CHIC2: variants seen among roughly 807,000 people sequenced by gnomAD.
The protein encoded by CHIC2 is cysteine rich hydrophobic domain 2.
A neutral mutation model predicts 25.9 loss-of-function variants in CHIC2; 14 were observed. The observed-to-expected ratio is 0.54, with a 90% CI of 0.36 to 0.85. The LOEUF (loss-of-function observed/expected upper bound fraction) is 0.85. Ranked by LOEUF, CHIC2 falls within the 40% of genes least tolerant of loss-of-function variation. The pLI, the probability that CHIC2 is intolerant of heterozygous loss-of-function variation, is 0.01. For missense variants in CHIC2, 146 were observed against 202.0 expected (o/e 0.72, Z 1.68); for synonymous variants, 70 against 72.0 (o/e 0.97, Z 0.14).
At chr4:54,045,139 A>C (rs1467145138) in intron 3 of CHIC2, among the ~76,000 whole-genome samples, 1 of 152,240 alleles carries the variant, frequency 6.6e-6, no homozygotes, top group African/African-American at 2.4e-5. Context: ...ACAGGCTCTG[A>C]AATTGAGGCA....
chr4:54,034,327 C>T (rs1577972405), intron 3 of CHIC2, among the ~76,000 whole-genome samples: 1 of 151,886 alleles, frequency 6.6e-6, no homozygotes, highest in South Asian at 2.1e-4. Flanking sequence ...TCGCTTGAAC[C>T]TGGGAGGCAG....
At chr4:54,086,636 G>A in the CHIC2 span, among the ~76,000 whole-genome samples, 1 of 152,224 alleles carries the variant, frequency 6.6e-6, no homozygotes. Flanking sequence ...GGGATTGGGA[G>A]TGCAGAAGGC....
At chr4:54,054,482 G>C (rs1717110911) in intron 1 of CHIC2, among the ~76,000 whole-genome samples, 1 of 152,208 alleles carries the variant, frequency 6.6e-6, no homozygotes, top group East Asian at 1.9e-4. Flanking sequence ...TTTCTTCTGA[G>C]TTACAGTGAT....
chr4:54,029,769 AT>A (rs1176029361), intron 3 of CHIC2, among the ~76,000 whole-genome samples: 2 of 152,200 alleles, frequency 1.3e-5, no homozygotes, highest in Admixed American at 1.3e-4. Flanking sequence ...GTTTTGGATA[AT>A]TTTTAATACA....
At chr4:54,085,887 C>T in the CHIC2 span, among the ~76,000 whole-genome samples, 1 of 151,960 alleles carries the variant, frequency 6.6e-6, no homozygotes, top group East Asian at 1.9e-4. Flanking sequence ...AAGTCTAAAT[C>T]CAGGATCTGA....
At chr4:54,042,743 A>C (rs1364127557) in intron 3 of CHIC2, among the ~76,000 whole-genome samples, 1 of 152,178 alleles carries the variant, frequency 6.6e-6, no homozygotes, top group Admixed American at 6.5e-5. Context: ...GTGCAAAGGT[A>C]ATCTGGTGAG....
In CHIC2 at chr4:54,061,976, G is replaced by T. The variant is rs1371226609; in HGVS notation, c.119+2206C>A. Among the ~76,000 whole-genome samples the T allele has an allele frequency of 2.0e-5, 3 of 152,242 alleles. No individual in the cohort carries two copies. In the East Asian group the frequency reaches 5.8e-4, roughly 29 times the overall value. ...TTTCTCAAAGTGGAAAACTATATCTGAGGAGGAGAATAATAAAAACTAGTA... is the reference window on the plus strand; with the variant it reads ...TTTCTCAAAGTGGAAAACTATATCTTAGGAGGAGAATAATAAAAACTAGTA... On this transcript the variant is annotated intron_variant, in intron 1 of 5. Coordinates refer to ENST00000263921, the MANE Select transcript of CHIC2 (RefSeq NM_012110.4).
At chr4:54,015,432 CT>C (rs1163436376) in intron 3 of CHIC2, among the ~76,000 whole-genome samples, 2 of 152,104 alleles carry the variant, frequency 1.3e-5, no homozygotes, top group Non-Finnish European at 2.9e-5. Flanking sequence ...GGCAGCTCTC[CT>C]TTTAAATGAA....
At chr4:54,090,331 G>A in the CHIC2 span, among the ~76,000 whole-genome samples, 19 of 152,094 alleles carry the variant, frequency 1.2e-4, no homozygotes, top group Middle Eastern at 3.4e-3. Context: ...GGCTACAGGC[G>A]TGTACCACCA....
At chr4:54,013,766 AAAG>A (rs1380900087) in intron 5 of CHIC2, 68 bp downstream of exon 5, 28 of 1,479,980 alleles carry the variant, frequency 1.9e-5, no homozygotes, top group Middle Eastern at 1.7e-4. Context: ...ATAATCATGG[AAAG>A]AATAAGATCA....
chr4:54,057,253 C>CA lies in CHIC2; in HGVS notation c.119+6928dup, dbSNP rs141859185. 3.4e-3 allele frequency among the ~76,000 whole-genome samples: 524 copies of CA among 152,280 alleles called. 2 individuals carry two copies. The highest frequency in any genetic ancestry group is 0.012 in the African/African-American group (509 of 41,552). Reference sequence around the variant, plus strand: ...TCAACACCCTAGCTGGGGCCACTATCATGTCTTATGGAAGCTGCTTCTATA... The same window carrying CA: ...TCAACACCCTAGCTGGGGCCACTATCAATGTCTTATGGAAGCTGCTTCTATA... On this transcript the variant is annotated intron_variant, in intron 1 of 5. Coordinates refer to ENST00000263921, the MANE Select transcript of CHIC2 (RefSeq NM_012110.4).
intron 1 of CHIC2, among the ~76,000 whole-genome samples, chr4:54,054,152 G>C (rs1257895029): frequency 1.3e-5 from 2 of 152,148 alleles, no homozygotes; most frequent in Non-Finnish European, 2.9e-5. Context: ...ATTTTATTTG[G>C]TATTAACTAG....
intron 3 of CHIC2, among the ~76,000 whole-genome samples, chr4:54,039,480 C>T (rs1334830082): frequency 6.6e-6 from 1 of 152,138 alleles, no homozygotes; most frequent in Non-Finnish European, 1.5e-5. Context: ...AATATCATTA[C>T]TCATGAGGGT....
rs200939643 is a variant in CHIC2 at position 54,049,293 on chromosome 4, G to A, written c.132C>T (p.Ser44=). The A allele has an allele frequency of 3.1e-6, 5 of 1,597,078 alleles. No homozygotes were observed. The highest frequency in any genetic ancestry group is 4.3e-6 in the Non-Finnish European group (5 of 1,167,724). The change falls in exon 2 of 6, where the codon AGC becomes AGT. Residue 44 remains serine, a synonymous_variant. Coordinates refer to ENST00000263921, the MANE Select transcript of CHIC2 (RefSeq NM_012110.4). The part of the protein sequence containing the change: ...GSGHVTVFGL[S]NKFESEFPSS... Reference sequence around the variant, plus strand: ...AAGGGAATTCAGATTCAAATTTGTTGCTCAGTCCAAATCTATTTTAAAAAA... The same window carrying A: ...AAGGGAATTCAGATTCAAATTTGTTACTCAGTCCAAATCTATTTTAAAAAA...
intron 3 of CHIC2, among the ~76,000 whole-genome samples, chr4:54,019,156 T>C (rs575799483): frequency 6.6e-6 from 1 of 151,940 alleles, no homozygotes; most frequent in South Asian, 2.1e-4. Context: ...TGGATTAATA[T>C]GAAATTTTAT....
chr4:54,035,729 T>A (rs1716364202), intron 3 of CHIC2, among the ~76,000 whole-genome samples: 1 of 152,104 alleles, frequency 6.6e-6, no homozygotes, highest in Non-Finnish European at 1.5e-5. Context: ...TGACCATTAT[T>A]TTTTTCCCCC....
At chr4:54,050,973 G>A (rs1301689925) in intron 1 of CHIC2, among the ~76,000 whole-genome samples, 1 of 152,036 alleles carries the variant, frequency 6.6e-6, no homozygotes, top group Non-Finnish European at 1.5e-5. Flanking sequence ...CTATTCTAAA[G>A]AACTTTACCT....
the CHIC2 span, among the ~76,000 whole-genome samples, chr4:54,078,638 C>T: frequency 6.6e-6 from 1 of 151,942 alleles, no homozygotes; most frequent in South Asian, 2.1e-4. Flanking sequence ...GCCTCAGCCT[C>T]CCAAGTAGCT....
chr4:54,036,261 G>C (rs527282752), intron 3 of CHIC2, among the ~76,000 whole-genome samples: 1 of 152,174 alleles, frequency 6.6e-6, no homozygotes, highest in East Asian at 1.9e-4. Context: ...CAGTTATCAA[G>C]ACAGTGGTAC....
Sources: allele counts gnomAD v4.1 joint callset (sites outside exome capture counted in the v4.1 genomes callset), GRCh38; gene constraint gnomAD v4.1.1; transcripts MANE v1.5; gene names NCBI Gene and HGNC (gene_info 2026-07-23, HGNC 2026-07-21).